Variants in VWCE observed in about 807,000 individuals in gnomAD.
VWCE encodes the protein von Willebrand factor C and EGF domains.
Under a neutral mutation model 102.9 loss-of-function variants are expected in VWCE, and 68 were observed. The ratio of observed to expected loss-of-function variants is 0.66; its 90% confidence interval spans 0.54 to 0.81. The LOEUF (loss-of-function observed/expected upper bound fraction) is 0.81. VWCE is among the 30% of genes least tolerant of loss of function. The pLI, the probability that VWCE is intolerant of heterozygous loss-of-function variation, is 0.00. For missense variants in VWCE, 1,137 were observed against 1,263.6 expected, an observed-to-expected ratio of 0.90 and a Z score of 1.52; for synonymous variants, 497 against 515.4, an observed-to-expected ratio of 0.96 and a Z score of 0.48.
At chr11:61,259,424 G>A (rs1854291072) in intron 19 of VWCE, 112 bp from the exon 20 acceptor site, 1 of 1,356,934 alleles carries the variant, frequency 7.4e-7, no homozygotes, top group Admixed American at 2.6e-5. Flanking sequence ...AGGGGCCTCA[G>A]CACACCTGGT....
At position 61,273,334 on chromosome 11, in the gene VWCE, C is replaced by T. The variant is rs373896353; in HGVS notation, c.1582-18G>A. ...TCCCCATTCTGGAAGAGAGCCCAGG[C>T]ACAGAATGATGAGGGCGGCACCCTG... is the stretch of plus-strand genomic sequence containing the variant. On this transcript the variant is annotated intron_variant, in intron 12 of 19. Coordinates refer to ENST00000335613, the MANE Select transcript of VWCE (RefSeq NM_152718.2). The T allele has an allele frequency of 1.3e-6, 2 of 1,599,348 alleles. No individual in the cohort carries two copies. Among genetic ancestry groups the T allele is most frequent in the African/African-American group, 2.7e-5 (2 of 74,380 alleles).
At chr11:61,274,672 G>T in intron 11 of VWCE, 88 bp from the exon 12 acceptor site, 2 of 1,162,382 alleles carry the variant, frequency 1.7e-6, no homozygotes, top group Non-Finnish European at 2.5e-6. Context: ...GGAGCCCCGG[G>T]GCACTTAACA....
intron 4 of VWCE, among the ~76,000 whole-genome samples, chr11:61,287,142 C>A (rs1855360899): frequency 6.6e-6 from 1 of 152,086 alleles, no homozygotes; most frequent in Non-Finnish European, 1.5e-5. Flanking sequence ...CTTGCACGGC[C>A]CTCTCTGACA....
Position 61,268,958 on chromosome 11 carries a change from G to A in VWCE, c.1846C>T (p.Arg616Trp), listed in dbSNP as rs143584411. 6.8e-5 allele frequency: 110 copies of A among 1,614,016 alleles called. No individual in the cohort carries two copies. The highest frequency in any genetic ancestry group is 8.6e-5 in the Non-Finnish European group (101 of 1,180,050). ...TCTGGGCAGCACTGTCCAGGGATCC[G>A]GATCGGGTGAGGGCAGGAGTCCACA... The part of the protein sequence containing the change: ...DCVDSCPHPI[R>W]IPGQCCPDCS... Residue 616 changes from arginine to tryptophan, a missense_variant, in exon 15 of 20, where the codon CGG becomes TGG. By Grantham distance (101) the Arg-to-Trp change is moderately radical. Coordinates refer to ENST00000335613, the MANE Select transcript of VWCE (RefSeq NM_152718.2).
In VWCE at chr11:61,265,027, C is replaced by A. The variant is rs556243257; in HGVS notation, c.2068G>T (p.Glu690Ter). 6.2e-7 allele frequency: 1 copy of A among 1,614,152 alleles called. No individual in the cohort carries two copies. Among genetic ancestry groups the A allele is most frequent in the Non-Finnish European group, 8.5e-7 (1 of 1,180,046 alleles). Residue 690 changes from glutamate to a stop codon, truncating the protein, a stop_gained, in exon 18 of 20, where the codon GAG (glutamate) becomes TAG (stop). Transcript: ENST00000335613. LOFTEE classifies it high-confidence loss of function. ...CCPVCRDCNY[E>*]GRKVANGQVF... Reference sequence around the variant, plus strand: ...TGGCCATTCGCCACCTTCCTTCCCTCGTAGTTGCAGTCTGTGGAGGAAGGG... The same window carrying A: ...TGGCCATTCGCCACCTTCCTTCCCTAGTAGTTGCAGTCTGTGGAGGAAGGG...
chr11:61,281,691 C>A, intron 7 of VWCE, 95 bp downstream of exon 7: 1 of 1,341,790 alleles, frequency 7.5e-7, no homozygotes, highest in South Asian at 1.7e-5. Context: ...GCCGGGAGGG[C>A]GTGACGGGGA....
Position 61,274,480 on chromosome 11 carries a change from G to A in VWCE, c.1581+19C>T, listed in dbSNP as rs201985184. 2 of 1,610,668 alleles carry A rather than the reference G, an allele frequency of 1.2e-6. No homozygotes were observed. The highest frequency in any genetic ancestry group is 2.2e-5 in the East Asian group (1 of 44,766). ...CTCTCCATCAATTCCACAGGCTTTGGGACGCTCAGCCACCATACCTGGCAA... is the reference window on the plus strand; with the variant it reads ...CTCTCCATCAATTCCACAGGCTTTGAGACGCTCAGCCACCATACCTGGCAA... On this transcript the variant is annotated intron_variant, in intron 12 of 19. Coordinates refer to ENST00000335613, the MANE Select transcript of VWCE (RefSeq NM_152718.2).
rs1339349901 is a variant in VWCE at position 61,294,505 on chromosome 11, T to A, written c.110+423A>T. On this transcript the variant is annotated intron_variant, in intron 1 of 19. Coordinates refer to ENST00000335613, the MANE Select transcript of VWCE (RefSeq NM_152718.2). This position sits in a 1 kb window ranked among gnomAD's most constrained non-coding sequence, Gnocchi z 6.3. Reference sequence around the variant, plus strand: ...CCGGCTGTTCCAAGGTCCATGAAGTTCGTAGGGCCAAGACCCAGGGAAAGC... The same window carrying A: ...CCGGCTGTTCCAAGGTCCATGAAGTACGTAGGGCCAAGACCCAGGGAAAGC... Among the ~76,000 whole-genome samples the A allele has an allele frequency of 6.6e-6, 1 of 152,006 alleles. No homozygotes were observed. The highest frequency in any genetic ancestry group is 1.5e-5 in the Non-Finnish European group (1 of 67,952).
intron 5 of VWCE, 125 bp downstream of exon 5, chr11:61,286,189 G>T: frequency 1.1e-6 from 1 of 936,570 alleles, no homozygotes; most frequent in Non-Finnish European, 1.7e-6. Flanking sequence ...TCCCTCCGAA[G>T]CCGGTGGTGA....
At chr11:61,281,404 C>T (rs1206792614) in intron 7 of VWCE, among the ~76,000 whole-genome samples, 169 bp from the exon 8 acceptor site, 2 of 152,136 alleles carry the variant, frequency 1.3e-5, no homozygotes, top group Admixed American at 6.5e-5. Flanking sequence ...CAGGGCGAAC[C>T]ACGGAAATGG....
Position 61,268,925 on chromosome 11 carries a change from C to A in VWCE, c.1879G>T (p.Ala627Ser), listed in dbSNP as rs929577011. 21 of 1,613,902 alleles carry A rather than the reference C, an allele frequency of 1.3e-5. No homozygotes were observed. The highest frequency in any genetic ancestry group is 1.6e-5 in the Non-Finnish European group (19 of 1,180,020). The change falls in exon 15 of 20, where the codon GCA (alanine) becomes TCA (serine). Residue 627 changes from alanine (A) to serine (S), a missense_variant. Around this residue, in one of 5 missense-constraint regions of VWCE, gnomAD observed 212 missense variants for 235.1 expected, o/e 0.90. Transcript: ENST00000335613. ...TGGGGCAGAGGCAGGGGATTACCTG[C>A]TGAACAGTCTGGGCAGCACTGTCCA... ...IPGQCCPDCS[A>S]GCTYTGRIFY... is the part of the protein sequence containing the mutation.
intron 10 of VWCE, among the ~76,000 whole-genome samples, chr11:61,278,167 C>T (rs530261620): frequency 2.6e-4 from 40 of 152,332 alleles, no homozygotes; most frequent in African/African-American, 8.7e-4. Flanking sequence ...TGTGTGCCTG[C>T]TGGCTGTCTG....
intron 1 of VWCE, among the ~76,000 whole-genome samples, chr11:61,292,250 A>G (rs1766131220): frequency 6.6e-6 from 1 of 150,790 alleles, no homozygotes; most frequent in Non-Finnish European, 1.5e-5. Context: ...GAGAGAGAGA[A>G]AGATTCTTCC....
rs531187273 is a variant in VWCE, at chr11:61,266,556, A to G, written c.1965+906T>C. 8.5e-5 allele frequency among the ~76,000 whole-genome samples: 13 copies of G among 152,270 alleles called. No homozygotes were observed. In the East Asian group the frequency reaches 2.3e-3, roughly 27 times the overall value. ...GAGCAACACCCTGTCTCAAAAAAAA[A>G]ACAATTTTTTTTTCATTTTCCAAAA... On this transcript the variant is annotated intron_variant, in intron 16 of 19. Coordinates refer to ENST00000335613, the MANE Select transcript of VWCE (RefSeq NM_152718.2).
At chr11:61,268,061 T>C (rs1445142029) in intron 15 of VWCE, among the ~76,000 whole-genome samples, 1 of 151,676 alleles carries the variant, frequency 6.6e-6, no homozygotes, top group Non-Finnish European at 1.5e-5. Flanking sequence ...GATGAGACAG[T>C]AGGGGAAGCT....
chr11:61,291,839 C>T (rs1026239004), intron 1 of VWCE, among the ~76,000 whole-genome samples: 2 of 152,154 alleles, frequency 1.3e-5, no homozygotes, highest in Non-Finnish European at 2.9e-5. Flanking sequence ...AGGAGAGGGG[C>T]CTCAGAGTTG....
intron 5 of VWCE, among the ~76,000 whole-genome samples, chr11:61,285,282 A>G (rs1402221041): frequency 1.3e-5 from 2 of 152,218 alleles, no homozygotes; most frequent in African/African-American, 4.8e-5. Flanking sequence ...AATGTCAAAC[A>G]TAAAGAAAAT....
At chr11:61,279,310 C>G (rs1443739619) in intron 9 of VWCE, among the ~76,000 whole-genome samples, 1 of 152,174 alleles carries the variant, frequency 6.6e-6, no homozygotes, top group Non-Finnish European at 1.5e-5. Context: ...CGGCTCATGC[C>G]TGTCATCCCA....
At chr11:61,278,705 G>A (rs948247792) in intron 9 of VWCE, among the ~76,000 whole-genome samples, 10 of 152,142 alleles carry the variant, frequency 6.6e-5, no homozygotes, top group Admixed American at 5.2e-4. Flanking sequence ...TGTCTGGAGA[G>A]CACAACATTT....
Sources: allele counts gnomAD v4.1 joint callset (sites outside exome capture counted in the v4.1 genomes callset), GRCh38; gene constraint gnomAD v4.1.1; regional missense constraint gnomAD v4.1.1; non-coding constraint Gnocchi (gnomAD v3.1); transcripts MANE v1.5; gene names NCBI Gene and HGNC (gene_info 2026-07-23, HGNC 2026-07-21).